WDR41: variants seen among roughly 807,000 people sequenced by gnomAD.
WDR41 encodes the protein WD repeat-containing protein 41.
Under a neutral mutation model 69.3 loss-of-function variants are expected in WDR41, and 63 were observed. The observed-to-expected ratio is 0.91, with a 90% CI of 0.74 to 1.12. WDR41 has a LOEUF of 1.12. Ranked by LOEUF, WDR41 falls within the 50% of genes most tolerant of loss-of-function variation. WDR41 has a pLI of 0.00. For missense variants in WDR41, 543 were observed against 534.5 expected (o/e 1.02, Z -0.16); for synonymous variants, 185 against 192.1 (o/e 0.96, Z 0.31).
At position 77,451,311 on chromosome 5, in the gene WDR41, G is replaced by A. The variant is rs776446739; in HGVS notation, c.566C>T (p.Ala189Val). The stretch of plus-strand genomic sequence containing the variant: ...CTCACTCAGTTCTTTGCCAACTGCT[G>A]CCACAACACAGTTCTTAGGTATTTC... ...LVEIPKNCVV[A>V]AVGKELIIFR... The change falls in exon 7 of 13, where the codon GCA becomes GTA. Residue 189 changes from alanine to valine, a missense_variant. Coordinates refer to ENST00000296679, the MANE Select transcript of WDR41 (RefSeq NM_018268.4). The A allele has an allele frequency of 1.2e-6, 2 of 1,613,678 alleles. No individual in the cohort carries two copies. Among genetic ancestry groups the A allele is most frequent in the South Asian group, 1.1e-5 (1 of 91,036 alleles).
At chr5:77,614,588 T>C (rs868592486) in intron 1 of WDR41, among the ~76,000 whole-genome samples, 2,094 of 139,308 alleles carry the variant, frequency 0.015, 54 homozygotes, top group African/African-American at 0.053. Flanking sequence ...TAGGTGGGAA[T>C]TGAACAATGA....
At chr5:77,460,464 C>T (rs943959177) in intron 4 of WDR41, among the ~76,000 whole-genome samples, 3 of 152,112 alleles carry the variant, frequency 2.0e-5, no homozygotes, top group Non-Finnish European at 4.4e-5. Flanking sequence ...ACAAGCAGAA[C>T]ATTTAATATT....
At chr5:77,487,534 T>C (rs1459987786) in intron 2 of WDR41, among the ~76,000 whole-genome samples, 1 of 152,240 alleles carries the variant, frequency 6.6e-6, no homozygotes, top group Non-Finnish European at 1.5e-5. Context: ...ACAAATCTTT[T>C]CAAGCAAAAG....
At chr5:77,554,004 C>T (rs1422283176) in intron 1 of WDR41, among the ~76,000 whole-genome samples, 1 of 152,146 alleles carries the variant, frequency 6.6e-6, no homozygotes, top group Non-Finnish European at 1.5e-5. Flanking sequence ...GTTATAGCAG[C>T]TTTATTTGTT....
chr5:77,538,012 T>A (rs867792186), intron 1 of WDR41, among the ~76,000 whole-genome samples: 17 of 150,202 alleles, frequency 1.1e-4, no homozygotes, highest in Middle Eastern at 3.4e-3. Flanking sequence ...AGATGTCAAG[T>A]CAGGGCTTTT....
At chr5:77,501,615 C>T (rs1235450275) in intron 1 of WDR41, among the ~76,000 whole-genome samples, 1 of 152,168 alleles carries the variant, frequency 6.6e-6, no homozygotes, top group Non-Finnish European at 1.5e-5. Flanking sequence ...CTGGGAGACA[C>T]CTCCCAGTAG....
intron 1 of WDR41, among the ~76,000 whole-genome samples, chr5:77,514,550 T>G (rs895893272): frequency 2.6e-5 from 4 of 152,316 alleles, no homozygotes; most frequent in African/African-American, 9.6e-5. Flanking sequence ...GTCTACCTAC[T>G]TTTGCCTATC....
At position 77,536,667 on chromosome 5, in the gene WDR41, A is replaced by G. The variant is rs114120260; in HGVS notation, c.43-47095T>C. Among the ~76,000 whole-genome samples, 1,378 of 152,270 alleles carry G rather than the reference A, an allele frequency of 9.0e-3. 27 individuals are homozygous for G. Among genetic ancestry groups the G allele is most frequent in the African/African-American group, 0.031 (1,298 of 41,548 alleles). ...GTACCTTTTCTATGTTTAGGTCCAC[A>G]AATACTTACTATTGGGTTACAATTC... On this transcript the variant is annotated intron_variant, in intron 1 of 5. Coordinates refer to the WDR41 transcript ENST00000509971.
At chr5:77,532,752 G>A (rs1381725224) in intron 1 of WDR41, among the ~76,000 whole-genome samples, 4 of 151,928 alleles carry the variant, frequency 2.6e-5, no homozygotes, top group Non-Finnish European at 5.9e-5. Context: ...AAATTATACA[G>A]TAAATATTTT....
chr5:77,537,703 A>G (rs537258096), intron 1 of WDR41, among the ~76,000 whole-genome samples: 1 of 152,302 alleles, frequency 6.6e-6, no homozygotes, highest in East Asian at 1.9e-4. Context: ...TCTAGGAATT[A>G]GCTAGCCCTG....
At chr5:77,553,285 A>C (rs1743331711) in intron 1 of WDR41, among the ~76,000 whole-genome samples, 1 of 152,164 alleles carries the variant, frequency 6.6e-6, no homozygotes, top group African/African-American at 2.4e-5. Flanking sequence ...CCCCATCTCC[A>C]CTTTCAACCA....
At chr5:77,550,373 T>C (rs1331113749) in intron 1 of WDR41, among the ~76,000 whole-genome samples, 1 of 152,136 alleles carries the variant, frequency 6.6e-6, no homozygotes, top group Non-Finnish European at 1.5e-5. Context: ...CCAGAATCCA[T>C]AAGTAACTTC....
intron 8 of WDR41, among the ~76,000 whole-genome samples, chr5:77,444,099 C>CAT (rs1799282717): frequency 6.6e-6 from 1 of 152,094 alleles, no homozygotes; most frequent in African/African-American, 2.4e-5. Context: ...AGGCTGGTCT[C>CAT]AAACTCCTGA....
At chr5:77,589,660 C>A (rs1423696257) in intron 1 of WDR41, among the ~76,000 whole-genome samples, 5 of 152,148 alleles carry the variant, frequency 3.3e-5, no homozygotes, top group Admixed American at 6.5e-5. Flanking sequence ...TTCTTCACTA[C>A]ATATAAACAT....
In WDR41 at chr5:77,490,280, G is replaced by T. The variant is rs1801714737; in HGVS notation, c.52-708C>A. 3.3e-5 allele frequency among the ~76,000 whole-genome samples: 5 copies of T among 152,102 alleles called. No individual in the cohort carries two copies. In the South Asian group the frequency reaches 6.2e-4, roughly 19 times the overall value. ...CGCCCAGCCCAGATAATTCTTTGTTGTTGAGAACTGTCCTGTGCATTACAG... is the reference window on the plus strand; with the variant it reads ...CGCCCAGCCCAGATAATTCTTTGTTTTTGAGAACTGTCCTGTGCATTACAG... On this transcript the variant is annotated intron_variant, in intron 1 of 12. Coordinates refer to ENST00000296679, the MANE Select transcript of WDR41 (RefSeq NM_018268.4).
intron 1 of WDR41, among the ~76,000 whole-genome samples, chr5:77,524,425 A>G (rs1802417130): frequency 6.6e-6 from 1 of 152,120 alleles, no homozygotes; most frequent in Non-Finnish European, 1.5e-5. Context: ...CTATCTTGGC[A>G]GAAAAAACAA....
chr5:77,518,017 G>T lies in WDR41; in HGVS notation c.43-28445C>A, dbSNP rs145656021. Among the ~76,000 whole-genome samples the T allele has an allele frequency of 3.6e-3, 546 of 152,142 alleles. 4 individuals carry two copies. Among genetic ancestry groups the T allele is most frequent in the African/African-American group, 0.013 (528 of 41,510 alleles). On this transcript the variant is annotated intron_variant, in intron 1 of 5. Transcript: ENST00000509971. The stretch of plus-strand genomic sequence containing the variant: ...CAGTAAAGACTACCAAATTATGAAT[G>T]CAAATGAGCTCCCTCAAAAAAAAGT...
chr5:77,502,730 T>C (rs1316384979), intron 1 of WDR41, among the ~76,000 whole-genome samples: 1 of 150,834 alleles, frequency 6.6e-6, no homozygotes, highest in African/African-American at 2.4e-5. Flanking sequence ...ATTCTTAAAA[T>C]AATTTTCAAC....
At chr5:77,530,297 A>G (rs763552412) in intron 1 of WDR41, among the ~76,000 whole-genome samples, 3 of 151,678 alleles carry the variant, frequency 2.0e-5, no homozygotes, top group Non-Finnish European at 4.4e-5. Context: ...ATGAAAACAT[A>G]TATCCAGAAA....
Sources: allele counts gnomAD v4.1 joint callset (sites outside exome capture counted in the v4.1 genomes callset), GRCh38; gene constraint gnomAD v4.1.1; transcripts MANE v1.5; gene names NCBI Gene and HGNC (gene_info 2026-07-23, HGNC 2026-07-21).